The following WDR64 variants were observed in gnomAD, a reference collection of about 807,000 sequenced individuals.
WDR64 encodes WD repeat-containing protein 64.
A neutral mutation model predicts 139.3 loss-of-function variants in WDR64; 112 were observed. The ratio of observed to expected loss-of-function variants is 0.80; its 90% CI spans 0.69 to 0.94. The LOEUF (loss-of-function observed/expected upper bound fraction) is 0.94. Ranked by LOEUF, WDR64 falls within the 40% of genes least tolerant of loss-of-function variation. The pLI is 0.00. For missense variants in WDR64, 1,206 were observed against 1,293.1 expected (o/e 0.93, Z 1.03); for synonymous variants, 444 against 437.7 (o/e 1.01, Z -0.18).
intron 17 of WDR64, among the ~76,000 whole-genome samples, chr1:241,769,997 C>T (rs923609567): frequency 1.3e-5 from 2 of 152,276 alleles, no homozygotes; most frequent in South Asian, 4.1e-4. Flanking sequence ...TTTATATTTG[C>T]ATAAGAGCTC....
intron 16 of WDR64, among the ~76,000 whole-genome samples, chr1:241,769,139 T>C (rs907055346): frequency 6.6e-5 from 10 of 152,102 alleles, no homozygotes; most frequent in Admixed American, 1.3e-4. Flanking sequence ...CATAGGATTT[T>C]GTAGAAGTCC....
At chr1:241,740,282 T>G (rs1669485738) in intron 11 of WDR64, among the ~76,000 whole-genome samples, 1 of 152,204 alleles carries the variant, frequency 6.6e-6, no homozygotes, top group Non-Finnish European at 1.5e-5. Context: ...CAAGATTTGT[T>G]GACGTCCATT....
At chr1:241,707,504 A>G (rs1206016813) in intron 8 of WDR64, among the ~76,000 whole-genome samples, 1 of 152,226 alleles carries the variant, frequency 6.6e-6, no homozygotes, top group Non-Finnish European at 1.5e-5. Context: ...ACAAAATTTT[A>G]TAGCCAGCAA....
chr1:241,758,487 A>T (rs1005685242), intron 15 of WDR64, among the ~76,000 whole-genome samples: 12 of 152,202 alleles, frequency 7.9e-5, no homozygotes, highest in African/African-American at 2.9e-4. Flanking sequence ...ATAGAAAAGC[A>T]AACTAATTGA....
chr1:241,719,983 T>C (rs542531928), intron 9 of WDR64, among the ~76,000 whole-genome samples: 1 of 152,216 alleles, frequency 6.6e-6, no homozygotes, highest in Non-Finnish European at 1.5e-5. Flanking sequence ...GAATGTGAGT[T>C]GTTCCCCACC....
chr1:241,749,922 G>C (rs10926563), intron 14 of WDR64, among the ~76,000 whole-genome samples, 200 bp downstream of exon 14: 87,247 of 151,946 alleles, frequency 0.57, 25,973 homozygotes, highest in Middle Eastern at 0.73. Flanking sequence ...GCCCAGCCAC[G>C]GCATGCTGCC....
At chr1:241,761,476 A>AT (rs55928833) in intron 15 of WDR64, among the ~76,000 whole-genome samples, 13,570 of 151,702 alleles carry the variant, frequency 0.089, 805 homozygotes, top group East Asian at 0.15. Context: ...ATTTGTTCAT[A>AT]TTTTTTGTCA....
At position 241,698,654 on chromosome 1, in the gene WDR64, A is replaced by T. The variant is rs929806642; in HGVS notation, c.974+11059A>T. Among the ~76,000 whole-genome samples, 3 of 152,044 alleles carry T rather than the reference A, an allele frequency of 2.0e-5. No individual in the cohort carries two copies. In the South Asian group the frequency reaches 6.2e-4, roughly 31 times the overall value. On this transcript the variant is annotated intron_variant, in intron 8 of 27. Transcript: ENST00000437684. ...AAACCCCCATGCTGGAACTTTGTAC[A>T]TATTTTGAGCCTGAAATACCCTCCC...
chr1:241,785,897 G>C (rs1659017847), intron 23 of WDR64, among the ~76,000 whole-genome samples: 1 of 152,210 alleles, frequency 6.6e-6, no homozygotes, highest in African/African-American at 2.4e-5. Flanking sequence ...CTAAGGTTCT[G>C]TATCTGAGGC....
At chr1:241,711,779 T>G in intron 8 of WDR64, 23 bp from the exon 9 acceptor site, 1 of 1,609,786 alleles carries the variant, frequency 6.2e-7, no homozygotes, top group African/African-American at 1.3e-5. Flanking sequence ...ATATATGTTT[T>G]CCATCTAATT....
Position 241,752,159 on chromosome 1 carries a change from C to A in WDR64, c.1770+2437C>A, listed in dbSNP as rs142668216. ...TGATCTTTCTTTATGAAGCAATTAACATAATAATGCTCTTAGCATTATATG... is the reference window on the plus strand; with the variant it reads ...TGATCTTTCTTTATGAAGCAATTAAAATAATAATGCTCTTAGCATTATATG... On this transcript the variant is annotated intron_variant, in intron 14 of 27. Coordinates refer to ENST00000437684, the MANE Select transcript of WDR64 (RefSeq NM_001367482.1). 9.9e-5 allele frequency among the ~76,000 whole-genome samples: 15 copies of A among 152,226 alleles called. No individual in the cohort carries two copies. The East Asian group carries it at 1.4e-3, about 14-fold the overall frequency.
At chr1:241,753,244 C>T (rs1422854743) in intron 14 of WDR64, among the ~76,000 whole-genome samples, 2 of 152,216 alleles carry the variant, frequency 1.3e-5, no homozygotes, top group Admixed American at 6.5e-5. Context: ...TGGCTGTCTT[C>T]ACTCCTAGAC....
chr1:241,656,338 T>C lies in WDR64; in HGVS notation c.145+3709T>C, dbSNP rs1665595465. 1.3e-5 allele frequency among the ~76,000 whole-genome samples: 2 copies of C among 152,190 alleles called. No homozygotes were observed. Among genetic ancestry groups the C allele is most frequent in the Non-Finnish European group, 2.9e-5 (2 of 68,026 alleles). ...GGTCTGCCTCAGAAATGATATCAAG[T>C]AGATTGAAGGAATTTGTTCAAAAGT... On this transcript the variant is annotated intron_variant, in intron 1 of 27. Transcript: ENST00000437684. This position sits in a 1 kb window ranked among gnomAD's most constrained non-coding sequence, Gnocchi z 4.3.
At chr1:241,767,570 A>G (rs1658230812) in intron 16 of WDR64, among the ~76,000 whole-genome samples, 1 of 152,138 alleles carries the variant, frequency 6.6e-6, no homozygotes, top group Non-Finnish European at 1.5e-5. Context: ...CATTTGGGGG[A>G]CGGGAAGAGA....
intron 8 of WDR64, among the ~76,000 whole-genome samples, chr1:241,690,049 G>A (rs1034740911): frequency 1.3e-5 from 2 of 152,090 alleles, no homozygotes; most frequent in Non-Finnish European, 2.9e-5. Flanking sequence ...TAATGACTAA[G>A]AATGTCCACA....
intron 13 of WDR64, among the ~76,000 whole-genome samples, chr1:241,746,045 C>T (rs567309118): frequency 6.6e-6 from 1 of 152,224 alleles, no homozygotes; most frequent in South Asian, 2.1e-4. Flanking sequence ...CCACAGAGTC[C>T]TTGAGGGTAG....
intron 26 of WDR64, 123 bp downstream of exon 26, chr1:241,795,410 C>T: frequency 1.2e-6 from 1 of 812,542 alleles, no homozygotes; most frequent in Non-Finnish European, 2.0e-6. Flanking sequence ...ACCGTTGCTT[C>T]CAAAAACGTA....
At chr1:241,677,422 A>C (rs892746952) in intron 4 of WDR64, 1 of 398,450 alleles carries the variant, frequency 2.5e-6, no homozygotes, top group Non-Finnish European at 4.4e-6. Flanking sequence ...AGCTTTAGTG[A>C]TCTCTCTGAT....
chr1:241,708,716 T>G (rs1210762724), intron 8 of WDR64, among the ~76,000 whole-genome samples: 1 of 143,138 alleles, frequency 7.0e-6, no homozygotes, highest in African/African-American at 2.6e-5. Context: ...TTTTTTGTTT[T>G]TTTTTTTAAG....
Sources: allele counts gnomAD v4.1 joint callset (sites outside exome capture counted in the v4.1 genomes callset), GRCh38; gene constraint gnomAD v4.1.1; non-coding constraint Gnocchi (gnomAD v3.1); transcripts MANE v1.5; gene names NCBI Gene and HGNC (gene_info 2026-07-23, HGNC 2026-07-21).